Variants in PCDHGB7 observed in about 807,000 individuals in gnomAD.
PCDHGB7 encodes protocadherin gamma subfamily B, 7.
In PCDHGB7, 37 loss-of-function variants were observed where a neutral mutation model predicts 61.4. The observed-to-expected ratio is 0.60, with a 90% CI of 0.46 to 0.79. The LOEUF (loss-of-function observed/expected upper bound fraction) is 0.79. PCDHGB7 is among the 30% of genes least tolerant of loss of function. The probability of loss-of-function intolerance (pLI) is 0.00; values close to 1 mark genes in which losing one functional copy is unlikely to be tolerated. For synonymous variants in PCDHGB7, 464 were observed against 503.5 expected, an observed-to-expected ratio of 0.92 and a Z score of 1.05; for missense variants, 1,166 against 1,202.5, an observed-to-expected ratio of 0.97 and a Z score of 0.45.
At chr5:141,455,244 T>A (rs977940552) in intron 1 of PCDHGB7, among the ~76,000 whole-genome samples, 4 of 152,142 alleles carry the variant, frequency 2.6e-5, no homozygotes, top group Non-Finnish European at 4.4e-5. Flanking sequence ...TTAAAGGTCA[T>A]AGTACAATCG....
chr5:141,431,907 T>A lies in PCDHGB7; in HGVS notation c.2415+11633T>A, dbSNP rs2097427946. 2 of 1,613,964 alleles carry A rather than the reference T, an allele frequency of 1.2e-6. No homozygotes were observed. Among genetic ancestry groups the A allele is most frequent in the South Asian group, 2.2e-5 (2 of 91,086 alleles). Reference sequence around the variant, plus strand: ...GATTCTGAGGAAAACGGACAGGTGATCTGTTTCATCCAAGGAAATCTGCCC... The same window carrying A: ...GATTCTGAGGAAAACGGACAGGTGAACTGTTTCATCCAAGGAAATCTGCCC... On this transcript the variant is annotated intron_variant, in intron 1 of 3. Transcript: ENST00000398594. This position sits in a 1 kb window ranked among gnomAD's most constrained non-coding sequence, Gnocchi z 4.8.
chr5:141,429,851 TC>T (rs1447325775), intron 1 of PCDHGB7, among the ~76,000 whole-genome samples: 2 of 152,224 alleles, frequency 1.3e-5, no homozygotes, highest in African/African-American at 4.8e-5. Context: ...TCTGTAACAT[TC>T]TTTGGACTAC....
intron 1 of PCDHGB7, chr5:141,430,780 C>T: frequency 6.6e-7 from 1 of 1,511,476 alleles, no homozygotes; most frequent in Non-Finnish European, 8.8e-7. Flanking sequence ...CGCGACTGCA[C>T]CGGGACTACA....
At chr5:141,425,248 G>GGCTGGGAAA (rs2096864506) in intron 1 of PCDHGB7, among the ~76,000 whole-genome samples, 1 of 152,178 alleles carries the variant, frequency 6.6e-6, no homozygotes, top group Non-Finnish European at 1.5e-5. Context: ...AAAAGGATAT[G>GGCTGGGAAA]AGGTATTTGG....
At chr5:141,464,091 T>G (rs2099075583) in intron 1 of PCDHGB7, among the ~76,000 whole-genome samples, 1 of 151,812 alleles carries the variant, frequency 6.6e-6, no homozygotes, top group African/African-American at 2.4e-5. Flanking sequence ...ATGGTGAAAC[T>G]CCGTCTCTAC....
At position 141,511,397 on chromosome 5, in the gene PCDHGB7, C is replaced by A; in HGVS notation, c.*224C>A. ...AGCAGTTCCGCTGGGAACCCCCATC[C>A]AATCAACTGCTGTACCCATGGGGGT... On this transcript the variant is annotated 3_prime_UTR_variant, in exon 4 of 4. Coordinates refer to ENST00000398594, the MANE Select transcript of PCDHGB7 (RefSeq NM_018927.4). 1.0e-6 allele frequency: 1 copy of A among 1,002,376 alleles called. No individual in the cohort carries two copies. The highest frequency in any genetic ancestry group is 1.4e-6 in the Non-Finnish European group (1 of 705,546). 62.1% of individuals were successfully genotyped at this position (1,002,376 alleles called of 1,614,324 possible). A position where few individuals can be genotyped will look rare whatever the true frequency, so the allele number is the denominator to read the frequency against.
rs747671382 is a variant in PCDHGB7 at position 141,444,152 on chromosome 5, A to ATTTTTTTT, written c.2415+23907_2415+23914dup. ...GATATGTGTCACTTGTGTGTACTGG[A>ATTTTTTTT]TTTTTTTTTTTTTTTTTTTTTTTTT... On this transcript the variant is annotated intron_variant, in intron 1 of 3. Transcript: ENST00000398594. Among the ~76,000 whole-genome samples, 8 of 33,898 alleles carry ATTTTTTTT rather than the reference A, an allele frequency of 2.4e-4. 3 individuals are homozygous for ATTTTTTTT. Among genetic ancestry groups the ATTTTTTTT allele is most frequent in the African/African-American group, 5.6e-4 (4 of 7,184 alleles). The allele number at this position is 33,898 out of a possible 152,430, so 22.2% of individuals were successfully genotyped here.
At position 141,432,540 on chromosome 5, in the gene PCDHGB7, T is replaced by A. The variant is rs147884705; in HGVS notation, c.2415+12266T>A. 7.6e-4 allele frequency: 1,222 copies of A among 1,613,608 alleles called. 1 individual carries two copies. The highest frequency in any genetic ancestry group is 1.1e-3 in the Admixed American group (64 of 59,988). ...TACCTGGTGACCAAGGTGGTGGCGG[T>A]GGACAGAGACTCCGGCCAGAACGCC... On this transcript the variant is annotated intron_variant, in intron 1 of 3. Transcript: ENST00000398594. This position sits in a 1 kb window ranked among gnomAD's most constrained non-coding sequence, Gnocchi z 6.0.
At chr5:141,433,208 C>T (rs780155661) in intron 1 of PCDHGB7, 90 of 1,293,816 alleles carry the variant, frequency 7.0e-5, no homozygotes, top group Middle Eastern at 5.9e-4. Flanking sequence ...AATCTTCTTT[C>T]TTTTTTTTTT....
Position 141,486,650 on chromosome 5 carries a change from T to C in PCDHGB7, c.2416-8157T>C, listed in dbSNP as rs1321605826. On this transcript the variant is annotated intron_variant, in intron 1 of 3. Coordinates refer to ENST00000398594, the MANE Select transcript of PCDHGB7 (RefSeq NM_018927.4). The surrounding 1 kb of genome is among the most constrained non-coding windows in gnomAD (Gnocchi z 5.0). ...TGGCTTGAATGCGCTTATCTCCTAC[T>C]CACTCCTGGAGCCCAGGAATCGAGA... is the stretch of plus-strand genomic sequence containing the variant. The C allele has an allele frequency of 6.2e-7, 1 of 1,613,834 alleles. No individual in the cohort carries two copies. Among genetic ancestry groups the C allele is most frequent in the African/African-American group, 1.3e-5 (1 of 74,938 alleles).
intron 1 of PCDHGB7, among the ~76,000 whole-genome samples, chr5:141,488,544 C>G (rs1225754325): frequency 6.6e-6 from 1 of 152,166 alleles, no homozygotes; most frequent in African/African-American, 2.4e-5. Flanking sequence ...AGTCCCATGT[C>G]AGCTGACATT....
At chr5:141,462,698 G>A (rs2099045237) in intron 1 of PCDHGB7, among the ~76,000 whole-genome samples, 1 of 152,062 alleles carries the variant, frequency 6.6e-6, no homozygotes. Context: ...ATTTATAATG[G>A]AGGTTTTAAA....
chr5:141,435,781 C>T (rs3828680), intron 1 of PCDHGB7, among the ~76,000 whole-genome samples: 81,882 of 151,942 alleles, frequency 0.54, 24,120 homozygotes, highest in African/African-American at 0.79. Flanking sequence ...TGTAAAGGTG[C>T]AGGGAAACAT....
At chr5:141,436,394 T>C (rs781428769) in intron 1 of PCDHGB7, among the ~76,000 whole-genome samples, 15 of 152,216 alleles carry the variant, frequency 9.9e-5, no homozygotes, top group Non-Finnish European at 1.9e-4. Flanking sequence ...CTTTATTAAA[T>C]AGTTGTTGAA....
rs754178145 is a variant in PCDHGB7 at position 141,489,423 on chromosome 5, C to G, written c.2416-5384C>G. On this transcript the variant is annotated intron_variant, in intron 1 of 3. Transcript: ENST00000398594. The surrounding 1 kb of genome is among the most constrained non-coding windows in gnomAD (Gnocchi z 4.5). ...GCTTAAAGATGACAGATCTGTTGAG[C>G]CGGCGGCTGCAATTGGGCTCTGAGG... 3 of 1,614,098 alleles carry G rather than the reference C, an allele frequency of 1.9e-6. No individual in the cohort carries two copies. The highest frequency in any genetic ancestry group is 1.7e-5 in the Admixed American group (1 of 60,020).
Position 141,419,315 on chromosome 5 carries a change from C to T in PCDHGB7, c.1456C>T (p.Arg486Cys). ...ASDPDFGLNG[R>C]VSYSLIASDL... ...TGACCCAGACTTCGGGCTCAACGGC[C>T]GTGTCTCCTACTCTCTCATTGCCAG... is the stretch of plus-strand genomic sequence containing the variant. The change falls in exon 1 of 4, where the codon CGT becomes TGT. Residue 486 changes from arginine (R) to cysteine (C), a missense_variant. Physicochemically the swap from Arg to Cys is radical, Grantham distance 180. Coordinates refer to ENST00000398594, the MANE Select transcript of PCDHGB7 (RefSeq NM_018927.4). The T allele has an allele frequency of 6.2e-7, 1 of 1,613,998 alleles. No individual in the cohort carries two copies.
intron 1 of PCDHGB7, among the ~76,000 whole-genome samples, chr5:141,442,921 CATTTTCTA>C (rs1366534082): frequency 6.6e-6 from 1 of 152,196 alleles, no homozygotes. Context: ...ACAACTGTTT[CATTTTCTA>C]TTTAAGAAAC....
At chr5:141,484,790 A>T (rs1562101198) in intron 1 of PCDHGB7, among the ~76,000 whole-genome samples, 1 of 152,076 alleles carries the variant, frequency 6.6e-6, no homozygotes, top group Admixed American at 6.6e-5. Flanking sequence ...CACAGAGATA[A>T]CAACCCGTGG....
chr5:141,489,470 T>C lies in PCDHGB7; in HGVS notation c.2416-5337T>C, dbSNP rs1030378524. 1 of 1,613,874 alleles carries C rather than the reference T, an allele frequency of 6.2e-7. No homozygotes were observed. The highest frequency in any genetic ancestry group is 8.5e-7 in the Non-Finnish European group (1 of 1,179,838). ...GAGGAGAATGGGCGCTATTTTTCCCTGAGCTTGATGAGTGGTGCCCTGGCA... is the reference window on the plus strand; with the variant it reads ...GAGGAGAATGGGCGCTATTTTTCCCCGAGCTTGATGAGTGGTGCCCTGGCA... On this transcript the variant is annotated intron_variant, in intron 1 of 3. Transcript: ENST00000398594. This position sits in a 1 kb window ranked among gnomAD's most constrained non-coding sequence, Gnocchi z 4.5.
Sources: gnomAD v4.1 joint callset for allele counts (sites outside exome capture counted in the v4.1 genomes callset) on GRCh38, gnomAD v4.1.1 for gene constraint, Gnocchi (gnomAD v3.1) non-coding constraint, MANE v1.5 for transcripts, NCBI Gene and HGNC (gene_info 2026-07-23, HGNC 2026-07-21) for gene names.